Variants in ODF2L observed in about 807,000 individuals in gnomAD.
The protein encoded by ODF2L is protein BCAP.
In ODF2L, 76 loss-of-function variants were observed where a neutral mutation model predicts 86.3. That is an observed-to-expected ratio of 0.88 (90% confidence interval 0.73 to 1.07). The LOEUF (loss-of-function observed/expected upper bound fraction) is 1.07. ODF2L is among the 50% of genes least tolerant of loss of function. The pLI is 0.00. For synonymous variants in ODF2L, 241 were observed against 231.3 expected, an observed-to-expected ratio of 1.04 and a Z score of -0.38; for missense variants, 748 against 717.4, an observed-to-expected ratio of 1.04 and a Z score of -0.49.
intron 9 of ODF2L, 100 bp from the exon 10 acceptor site, chr1:86,371,253 C>T (rs112929347): frequency 3.3e-5 from 18 of 539,690 alleles, no homozygotes; most frequent in African/African-American, 1.4e-4. Flanking sequence ...CCGGGTGCAT[C>T]GTTTCAAATA....
At chr1:86,383,169 G>C in exon 5 of ODF2L, 1 of 1,577,820 alleles carries the variant, frequency 6.3e-7, no homozygotes, top group Non-Finnish European at 8.6e-7. Context: ...AGATTTTCTA[G>C]CAACATGCTG....
chr1:86,356,818 A>G (rs1658604106), intron 13 of ODF2L, among the ~76,000 whole-genome samples: 1 of 152,208 alleles, frequency 6.6e-6, no homozygotes, highest in Non-Finnish European at 1.5e-5. Flanking sequence ...TTGAGCACAT[A>G]AATAGGGTAA....
rs745367656 is a variant in ODF2L at position 86,382,209 on chromosome 1, A to G, written c.624+33T>C. The G allele has an allele frequency of 1.2e-5, 18 of 1,539,928 alleles. No homozygotes were observed. The Admixed American group carries it at 3.4e-4, about 29-fold the overall frequency. The stretch of plus-strand genomic sequence containing the variant: ...GGCCTTTCATTAATTTTATCACTTA[A>G]GCTATAAAAATGGATATATATTTAT... On this transcript the variant is annotated intron_variant, in intron 7 of 17. Coordinates refer to ENST00000317336, the Ensembl canonical transcript of ODF2L.
At chr1:86,385,268 T>C (rs1252722133) in intron 3 of ODF2L, among the ~76,000 whole-genome samples, 190 bp downstream of exon 3, 2 of 152,058 alleles carry the variant, frequency 1.3e-5, no homozygotes, top group African/African-American at 4.8e-5. Context: ...TTATCAGGTG[T>C]ATGCTGAGAT....
chr1:86,380,710 C>A (rs911953766), intron 7 of ODF2L, among the ~76,000 whole-genome samples: 2 of 152,044 alleles, frequency 1.3e-5, no homozygotes, highest in African/African-American at 4.8e-5. Flanking sequence ...ATCTCCAAAG[C>A]AATGTCTGTA....
At chr1:86,391,860 A>T (rs946623187) in intron 1 of ODF2L, among the ~76,000 whole-genome samples, 1 of 152,244 alleles carries the variant, frequency 6.6e-6, no homozygotes, top group Non-Finnish European at 1.5e-5. Context: ...GGACTTAATT[A>T]AACTAAAGAG....
At chr1:86,377,520 T>G (rs1410467876) in intron 7 of ODF2L, among the ~76,000 whole-genome samples, 1 of 152,010 alleles carries the variant, frequency 6.6e-6, no homozygotes, top group African/African-American at 2.4e-5. Context: ...CCAGCAGAGG[T>G]TCCCCATAAG....
exon 10 of ODF2L, chr1:86,371,069 G>T: frequency 6.4e-7 from 1 of 1,566,574 alleles, no homozygotes; most frequent in Non-Finnish European, 8.7e-7. Context: ...ATTCAATTGA[G>T]TGAACTTTTC....
intron 14 of ODF2L, chr1:86,355,964 G>C (rs1276263967): frequency 4.6e-6 from 1 of 216,808 alleles, no homozygotes; most frequent in African/African-American, 2.4e-5. Flanking sequence ...ATTGAGCTAG[G>C]AGAAGGCTAT....
chr1:86,354,954 G>T, intron 14 of ODF2L, 95 bp from the exon 14 acceptor site: 1 of 688,568 alleles, frequency 1.5e-6, no homozygotes. Context: ...CACAAGCAAC[G>T]AGAAGGTATA....
chr1:86,368,126 G>T (rs72949884), intron 11 of ODF2L, among the ~76,000 whole-genome samples: 2,970 of 152,202 alleles, frequency 0.02, 94 homozygotes, highest in African/African-American at 0.068. Context: ...CAGCACTAGG[G>T]AAGTTTCTCC....
exon 18 of ODF2L, chr1:86,350,974 T>C (rs990970050): frequency 6.6e-6 from 1 of 152,202 alleles, no homozygotes; most frequent in African/African-American, 2.4e-5. Flanking sequence ...TTTAAGTTCT[T>C]TGTAGATTCT....
chr1:86,365,259 G>T (rs1570377964), intron 11 of ODF2L, among the ~76,000 whole-genome samples: 1 of 152,138 alleles, frequency 6.6e-6, no homozygotes, highest in South Asian at 2.1e-4. Flanking sequence ...TACTTATCAA[G>T]TGCCTCCTAC....
chr1:86,381,835 T>A (rs1660609780), intron 7 of ODF2L: 1 of 152,462 alleles, frequency 6.6e-6, no homozygotes, highest in Non-Finnish European at 1.5e-5. Flanking sequence ...TCGTATTGAC[T>A]GTTAAACGTG....
Position 86,360,556 on chromosome 1 carries a change from T to C in ODF2L, c.1144-20A>G. 1 of 1,154,608 alleles carries C rather than the reference T, an allele frequency of 8.7e-7. No individual in the cohort carries two copies. The highest frequency in any genetic ancestry group is 2.4e-5 in the East Asian group (1 of 42,304). 71.5% of individuals were successfully genotyped at this position (1,154,608 alleles called of 1,614,324 possible). ...TGTAGTCTAGCAAAAAAGATATAGA[T>C]TTTATAAGTCATTAGAATACATTTA... is the stretch of plus-strand genomic sequence containing the variant. On this transcript the variant is annotated intron_variant, in intron 11 of 17. Coordinates refer to ENST00000317336, the Ensembl canonical transcript of ODF2L.
intron 1 of ODF2L, among the ~76,000 whole-genome samples, chr1:86,394,007 T>C (rs1219281878): frequency 1.3e-5 from 2 of 152,244 alleles, no homozygotes; most frequent in East Asian, 1.9e-4. Context: ...CACCATCCTG[T>C]ACCAGACAAA....
At chr1:86,372,448 C>A (rs1659860875) in exon 9 of ODF2L, 3 of 1,434,740 alleles carry the variant, frequency 2.1e-6, no homozygotes, top group African/African-American at 2.9e-5. Flanking sequence ...TTGTTTCAAT[C>A]TGTACTTCCA....
rs1661018047 is a variant in ODF2L, at chr1:86,387,216, C to T, written c.-59-130G>A. 8 of 438,542 alleles carry T rather than the reference C, an allele frequency of 1.8e-5. No individual in the cohort carries two copies. In the Admixed American group the frequency reaches 2.6e-4, roughly 14 times the overall value. The allele number at this position is 438,542 out of a possible 1,614,324, so 27.2% of individuals were successfully genotyped here. On this transcript the variant is annotated intron_variant, in intron 1 of 17. Coordinates refer to ENST00000317336, the Ensembl canonical transcript of ODF2L. ...AAAGACAAAATAAGAAGTATAACTG[C>T]TACTCATTGTTATAGTACTTCAAAA... is the stretch of plus-strand genomic sequence containing the variant.
intron 11 of ODF2L, among the ~76,000 whole-genome samples, chr1:86,366,515 G>A (rs1659446384): frequency 6.6e-6 from 1 of 150,604 alleles, no homozygotes; most frequent in African/African-American, 2.4e-5. Context: ...GCTGAAGCGG[G>A]AGATTGCTTG....
Sources: gnomAD v4.1 joint callset for allele counts (sites outside exome capture counted in the v4.1 genomes callset) on GRCh38, gnomAD v4.1.1 for gene constraint, MANE v1.5 for transcripts, NCBI Gene and HGNC (gene_info 2026-07-23, HGNC 2026-07-21) for gene names.